Variants in FAM193A observed in about 807,000 individuals in gnomAD.
FAM193A encodes the protein protein FAM193A.
Under a neutral mutation model 126.5 loss-of-function variants are expected in FAM193A, and 22 were observed. The ratio of observed to expected loss-of-function variants is 0.17; its 90% confidence interval spans 0.12 to 0.25. The LOEUF is 0.25. FAM193A is among the 10% of genes least tolerant of loss of function. The probability of loss-of-function intolerance (pLI) is 1.00; values close to 1 mark genes in which losing one functional copy is unlikely to be tolerated. For synonymous variants in FAM193A, 761 were observed against 646.8 expected (o/e 1.18, Z -2.68); for missense variants, 1,675 against 1,672.8 (o/e 1.00, Z -0.02).
At chr4:2,646,562 CCT>C in intron 6 of FAM193A, 121 bp from the exon 7 acceptor site, 2 of 1,025,212 alleles carry the variant, frequency 2.0e-6, no homozygotes, top group South Asian at 1.6e-5. Flanking sequence ...AGAGTGGCAC[CCT>C]GTTTTCCACG....
At chr4:2,679,055 A>G (rs913687193) in intron 13 of FAM193A, among the ~76,000 whole-genome samples, 2 of 152,072 alleles carry the variant, frequency 1.3e-5, no homozygotes, top group Non-Finnish European at 1.5e-5. Flanking sequence ...TGGGTTTTTC[A>G]TATATGGCTT....
intron 2 of FAM193A, among the ~76,000 whole-genome samples, chr4:2,608,792 C>G (rs1741690955): frequency 6.6e-6 from 1 of 152,046 alleles, no homozygotes; most frequent in African/African-American, 2.4e-5. Flanking sequence ...AAATCTTGCT[C>G]CTTAATAGTC....
chr4:2,571,308 C>G (rs1294284768), intron 1 of FAM193A, among the ~76,000 whole-genome samples: 1 of 152,118 alleles, frequency 6.6e-6, no homozygotes, highest in East Asian at 1.9e-4. Context: ...ATTCTGAGCC[C>G]TGGAGGAGAG....
intron 19 of FAM193A, among the ~76,000 whole-genome samples, chr4:2,710,229 C>T (rs1287748421): frequency 7.6e-6 from 1 of 130,964 alleles, no homozygotes. Context: ...GGCTGGCGTG[C>T]AGTGGCGTGT....
chr4:2,581,496 C>G (rs1034151558), intron 1 of FAM193A, among the ~76,000 whole-genome samples: 1 of 152,038 alleles, frequency 6.6e-6, no homozygotes, highest in Non-Finnish European at 1.5e-5. Context: ...TCAGGCAATC[C>G]GCCTGTCTGG....
intron 7 of FAM193A, 46 bp downstream of exon 7, chr4:2,646,878 G>T (rs771384379): frequency 3.9e-6 from 6 of 1,556,500 alleles, no homozygotes; most frequent in Admixed American, 3.8e-5. Flanking sequence ...ATCCTCAGAC[G>T]GCCCTGTTGA....
At position 2,649,300 on chromosome 4, in the gene FAM193A, AAGAGTT is replaced by A. The variant is rs1382680557; in HGVS notation, c.1311+2473_1311+2478del. Among the ~76,000 whole-genome samples the A allele has an allele frequency of 2.0e-4, 30 of 151,622 alleles. No individual in the cohort carries two copies. In the East Asian group the frequency reaches 5.5e-3, roughly 28 times the overall value. On this transcript the variant is annotated intron_variant, in intron 7 of 20. Transcript: ENST00000637812. ...GAGTGGGGGAGGATCACTTAAGACC[AAGAGTT>A]AGAGGCTGCAGTGATCTATGATGGT...
At chr4:2,731,224 A>G (rs1197145995) in intron 20 of FAM193A, among the ~76,000 whole-genome samples, 1 of 135,678 alleles carries the variant, frequency 7.4e-6, no homozygotes, top group Admixed American at 7.5e-5. Context: ...AAAAAAAAAA[A>G]CCGGTGTGGT....
intron 2 of FAM193A, among the ~76,000 whole-genome samples, chr4:2,605,874 G>A (rs1741505206): frequency 6.9e-6 from 1 of 144,914 alleles, no homozygotes; most frequent in Non-Finnish European, 1.5e-5. Context: ...GGGAGGCTGA[G>A]GCAGGAGAAT....
intron 1 of FAM193A, among the ~76,000 whole-genome samples, chr4:2,573,005 A>T (rs1256636439): frequency 6.6e-6 from 1 of 152,070 alleles, no homozygotes; most frequent in Admixed American, 6.6e-5. Flanking sequence ...GAAGGGCTAG[A>T]TTTGAGGAAC....
chr4:2,714,326 T>G (rs2109364980), intron 19 of FAM193A, among the ~76,000 whole-genome samples: 1 of 152,242 alleles, frequency 6.6e-6, no homozygotes, highest in South Asian at 2.1e-4. Flanking sequence ...TACAAACATG[T>G]GGAGCCTGCT....
At chr4:2,686,877 T>A (rs1432249845) in intron 13 of FAM193A, among the ~76,000 whole-genome samples, 1 of 152,212 alleles carries the variant, frequency 6.6e-6, no homozygotes, top group Non-Finnish European at 1.5e-5. Context: ...TTTTTGTCAA[T>A]TACTTCTCAG....
In FAM193A at chr4:2,646,795, A is replaced by T; in HGVS notation, c.1274A>T (p.Glu425Val). Residue 425 changes from glutamate (E) to valine (V), a missense_variant, in exon 7 of 21, where the codon GAG (glutamate) becomes GTG (valine). Physicochemically the swap from Glu to Val is moderately radical, Grantham distance 121. This residue lies in a region of FAM193A where 1,186 missense variants were observed against 1,109.2 expected (regional missense o/e 1.07). Transcript: ENST00000637812. The part of the protein sequence containing the change: ...ELRRVAEEWL[E>V]CQKRIDAYVD... ...CGCAGAGTCGCCGAGGAGTGGCTGG[A>T]GTGCCAGAAGAGGATCGACGCCTAT... 6.2e-7 allele frequency: 1 copy of T among 1,613,716 alleles called. No individual in the cohort carries two copies. Among genetic ancestry groups the T allele is most frequent in the Non-Finnish European group, 8.5e-7 (1 of 1,179,846 alleles).
intron 19 of FAM193A, among the ~76,000 whole-genome samples, chr4:2,707,114 T>A (rs1288787567): frequency 2.0e-5 from 3 of 152,004 alleles, no homozygotes; most frequent in Admixed American, 2.0e-4. Flanking sequence ...AGAGTGAGAC[T>A]CTGTCTCCCC....
intron 1 of FAM193A, among the ~76,000 whole-genome samples, 196 bp downstream of exon 1, chr4:2,537,366 C>T (rs1435861215): frequency 6.6e-6 from 1 of 152,304 alleles, no homozygotes; most frequent in East Asian, 1.9e-4. Flanking sequence ...CTCGGCGTGA[C>T]GCGGCCTCTG....
At chr4:2,721,010 A>G (rs1451906328) in intron 20 of FAM193A, among the ~76,000 whole-genome samples, 4 of 152,114 alleles carry the variant, frequency 2.6e-5, no homozygotes. Context: ...TCTACAAGAA[A>G]ATTAAAAATT....
At chr4:2,538,581 G>A (rs1383607537) in intron 1 of FAM193A, among the ~76,000 whole-genome samples, 4 of 151,152 alleles carry the variant, frequency 2.6e-5, no homozygotes, top group Non-Finnish European at 5.9e-5. Context: ...CCAGTATCCT[G>A]GAGATCAAAA....
At chr4:2,662,333 A>G (rs139084392) in intron 10 of FAM193A, among the ~76,000 whole-genome samples, 59 of 152,384 alleles carry the variant, frequency 3.9e-4, no homozygotes, top group Middle Eastern at 3.4e-3. Flanking sequence ...CTTCTGTTAC[A>G]TAAGTGCCTT....
chr4:2,601,227 C>CTTTTTTTTTTTTTTTTTTT (rs1201989388), intron 2 of FAM193A, among the ~76,000 whole-genome samples: 5 of 110,682 alleles, frequency 4.5e-5, no homozygotes, highest in Admixed American at 1.0e-4. Flanking sequence ...TCTTCTTCTT[C>CTTTTTTTTTTTTTTTTTTT]TTTTTTTTTT....
Sources: allele counts gnomAD v4.1 joint callset (sites outside exome capture counted in the v4.1 genomes callset), GRCh38; gene constraint gnomAD v4.1.1; regional missense constraint gnomAD v4.1.1; transcripts MANE v1.5; gene names NCBI Gene and HGNC (gene_info 2026-07-23, HGNC 2026-07-21).